Variants in SLC5A8 observed in about 807,000 individuals in gnomAD.
The protein encoded by SLC5A8 is solute carrier family 5 member 8.
SLC5A8 carries 55 observed loss-of-function variants against 71.9 expected under a neutral mutation model. The observed-to-expected ratio is 0.77, with a 90% CI of 0.62 to 0.96. The LOEUF is 0.96. SLC5A8 is among the 40% of genes least tolerant of loss of function. The pLI is 0.00. For missense variants in SLC5A8, 701 were observed against 745.3 expected, an observed-to-expected ratio of 0.94 and a Z score of 0.69; for synonymous variants, 307 against 276.1, an observed-to-expected ratio of 1.11 and a Z score of -1.11.
Position 101,168,056 on chromosome 12 carries a change from CAA to C in SLC5A8, c.1320+38_1320+39del, listed in dbSNP as rs1458338876. ...AAAGTGTAGAGCTGCTAGTATAGTT[CAA>C]AAAGTAATCCTCAAGCATATTCATT... On this transcript the variant is annotated intron_variant, in intron 11 of 14. Coordinates refer to ENST00000536262, the MANE Select transcript of SLC5A8 (RefSeq NM_145913.5). 8.3e-6 allele frequency: 13 copies of C among 1,557,216 alleles called. No homozygotes were observed. In the African/African-American group the frequency reaches 1.8e-4, roughly 21 times the overall value.
At chr12:101,159,592 T>C (rs542999450) in intron 13 of SLC5A8, among the ~76,000 whole-genome samples, 3 of 152,352 alleles carry the variant, frequency 2.0e-5, no homozygotes, top group African/African-American at 7.2e-5. Context: ...TCACTGCTTC[T>C]GTGAAGTAGG....
In SLC5A8 at chr12:101,180,012, CA is replaced by C. The variant is rs1460664762; in HGVS notation, c.1233+16del. Reference sequence around the variant, plus strand: ...TTTAGTGATTTATGACTTAAACCTCCAGGGGCCAGCTCTCACCTGCAACAAA... The same window carrying C: ...TTTAGTGATTTATGACTTAAACCTCCGGGGCCAGCTCTCACCTGCAACAAA... On this transcript the variant is annotated intron_variant, in intron 10 of 14. Coordinates refer to ENST00000536262, the MANE Select transcript of SLC5A8 (RefSeq NM_145913.5). 2 of 1,613,676 alleles carry C rather than the reference CA, an allele frequency of 1.2e-6. No homozygotes were observed. Among genetic ancestry groups the C allele is most frequent in the African/African-American group, 2.7e-5 (2 of 74,884 alleles).
intron 12 of SLC5A8, 22 bp downstream of exon 12, chr12:101,166,472 G>A (rs912796428): frequency 6.3e-7 from 1 of 1,595,624 alleles, no homozygotes; most frequent in African/African-American, 1.3e-5. Context: ...AAAGTATAAT[G>A]TAATAAAACT....
At chr12:101,162,458 C>T (rs1187886348) in intron 12 of SLC5A8, among the ~76,000 whole-genome samples, 2 of 152,166 alleles carry the variant, frequency 1.3e-5, no homozygotes, top group Non-Finnish European at 2.9e-5. Context: ...TTCATCGCAG[C>T]ACTATTCCCA....
chr12:101,174,238 G>A (rs113487289), intron 10 of SLC5A8, among the ~76,000 whole-genome samples: 1,618 of 152,270 alleles, frequency 0.011, 16 homozygotes, highest in South Asian at 0.023. Flanking sequence ...GAGGTTGTAG[G>A]TGGACCTAGT....
intron 7 of SLC5A8, among the ~76,000 whole-genome samples, chr12:101,184,836 C>T (rs528983314): frequency 6.6e-6 from 1 of 152,184 alleles, no homozygotes; most frequent in Non-Finnish European, 1.5e-5. Context: ...CTTCCTGATA[C>T]TAACTTGCTT....
chr12:101,210,154 C>G lies in SLC5A8; in HGVS notation c.-306G>C, dbSNP rs2137178313. 2.6e-6 allele frequency: 1 copy of G among 378,336 alleles called. No individual in the cohort carries two copies. Among genetic ancestry groups the G allele is most frequent in the Non-Finnish European group, 4.7e-6 (1 of 213,986 alleles). The allele number at this position is 378,336 out of a possible 1,614,324, so 23.4% of individuals were successfully genotyped here. ...GGAGTGGCCGAGTTCGCCAAGGCGC[C>G]GGGGACACCTGAGCAGATGAGAACT... is the stretch of plus-strand genomic sequence containing the variant. On this transcript the variant is annotated 5_prime_UTR_variant, in exon 1 of 15. Transcript: ENST00000536262.
At chr12:101,198,935 G>A (rs1230370891) in intron 3 of SLC5A8, among the ~76,000 whole-genome samples, 1 of 151,846 alleles carries the variant, frequency 6.6e-6, no homozygotes, top group Non-Finnish European at 1.5e-5. Flanking sequence ...CAATAAGACA[G>A]GAAAGAGAAC....
intron 13 of SLC5A8, among the ~76,000 whole-genome samples, chr12:101,160,043 G>A (rs142007908): frequency 1.5e-3 from 232 of 152,240 alleles, no homozygotes; most frequent in African/African-American, 5.2e-3. Context: ...TTAGCCGGGC[G>A]TGGTGGTGCG....
chr12:101,157,118 G>T lies in SLC5A8; in HGVS notation c.*161C>A. 1 of 667,974 alleles carries T rather than the reference G, an allele frequency of 1.5e-6. No homozygotes were observed. The highest frequency in any genetic ancestry group is 2.4e-6 in the Non-Finnish European group (1 of 416,216). 41.4% of individuals were successfully genotyped at this position (667,974 alleles called of 1,614,324 possible). A position where few individuals can be genotyped will look rare whatever the true frequency, so the allele number is the denominator to read the frequency against. On this transcript the variant is annotated 3_prime_UTR_variant, in exon 15 of 15. Transcript: ENST00000536262. Reference sequence around the variant, plus strand: ...CTCCAGAGTAACATCAATTAATGATGTAGTAAATGAAGATAGTCCAGACTT... The same window carrying T: ...CTCCAGAGTAACATCAATTAATGATTTAGTAAATGAAGATAGTCCAGACTT...
chr12:101,204,967 A>G lies in SLC5A8; in HGVS notation c.352-402T>C, dbSNP rs191036924. ...AATTACTTTCTGTATTTTTAGAGCG[A>G]GCAATCTGTTGTTCTCTTTCTCTTG... On this transcript the variant is annotated intron_variant, in intron 1 of 14. Coordinates refer to ENST00000536262, the MANE Select transcript of SLC5A8 (RefSeq NM_145913.5). 1.2e-4 allele frequency among the ~76,000 whole-genome samples: 19 copies of G among 152,270 alleles called. No homozygotes were observed. In the East Asian group the frequency reaches 3.5e-3, roughly 28 times the overall value.
At chr12:101,177,478 C>CAT in intron 10 of SLC5A8, among the ~76,000 whole-genome samples, 2 of 144,112 alleles carry the variant, frequency 1.4e-5, no homozygotes, top group East Asian at 3.9e-4. Flanking sequence ...CACACACACA[C>CAT]GCATGCATGC....
chr12:101,201,398 A>G (rs1336517424), intron 3 of SLC5A8, among the ~76,000 whole-genome samples: 1 of 152,214 alleles, frequency 6.6e-6, no homozygotes, highest in Non-Finnish European at 1.5e-5. Flanking sequence ...ATGTCATTTT[A>G]ACCCCAGGAA....
chr12:101,191,086 C>T (rs1250356415), intron 5 of SLC5A8, among the ~76,000 whole-genome samples: 1 of 152,188 alleles, frequency 6.6e-6, no homozygotes, highest in Non-Finnish European at 1.5e-5. Flanking sequence ...TCTATATTCA[C>T]GTTCAACAAA....
At chr12:101,186,821 T>A (rs564939202) in intron 7 of SLC5A8, among the ~76,000 whole-genome samples, 189 of 152,304 alleles carry the variant, frequency 1.2e-3, no homozygotes, top group African/African-American at 4.2e-3. Flanking sequence ...CAATGTGACC[T>A]TGGGTAAGTT....
rs139268658 is a variant in SLC5A8, at chr12:101,158,598, C to CTATATATATATATA, written c.1631-284_1631-271dup. On this transcript the variant is annotated intron_variant, in intron 13 of 14. Coordinates refer to ENST00000536262, the MANE Select transcript of SLC5A8 (RefSeq NM_145913.5). ...TCTCTCTCTCTCTCTCTCTCTCTCT[C>CTATATATATATATA]TATATATATATATATATATATATAT... Among the ~76,000 whole-genome samples the CTATATATATATATA allele has an allele frequency of 4.3e-3, 91 of 21,140 alleles. 1 individual carries two copies. The highest frequency in any genetic ancestry group is 0.033 in the Middle Eastern group (1 of 30). 13.9% of individuals were successfully genotyped at this position (21,140 alleles called of 152,430 possible).
At chr12:101,178,703 CTT>C (rs1729060498) in intron 10 of SLC5A8, among the ~76,000 whole-genome samples, 1 of 151,980 alleles carries the variant, frequency 6.6e-6, no homozygotes, top group Admixed American at 6.6e-5. Flanking sequence ...CTCTAAAACT[CTT>C]TGAAAAGAAA....
Position 101,169,088 on chromosome 12 carries a change from G to A in SLC5A8, c.1234-906C>T, listed in dbSNP as rs546407100. 1.2e-4 allele frequency among the ~76,000 whole-genome samples: 18 copies of A among 152,266 alleles called. No individual in the cohort carries two copies. In the South Asian group the frequency reaches 1.2e-3, roughly 11 times the overall value. On this transcript the variant is annotated intron_variant, in intron 10 of 14. Coordinates refer to ENST00000536262, the MANE Select transcript of SLC5A8 (RefSeq NM_145913.5). ...GGAGAACTAGTGTTTAAAAGGATGC[G>A]GACTCAAGGATGTGATCCTGAGTCA...
chr12:101,207,204 G>C (rs927556921), intron 1 of SLC5A8, among the ~76,000 whole-genome samples: 2 of 152,176 alleles, frequency 1.3e-5, no homozygotes, highest in African/African-American at 4.8e-5. Context: ...GTCCTATATT[G>C]CTTCCCTTGT....
Sources: gnomAD v4.1 joint callset for allele counts (sites outside exome capture counted in the v4.1 genomes callset) on GRCh38, gnomAD v4.1.1 for gene constraint, MANE v1.5 for transcripts, NCBI Gene and HGNC (gene_info 2026-07-23, HGNC 2026-07-21) for gene names.